EVC2: variants seen among roughly 807,000 people sequenced by gnomAD.
EVC2 encodes the protein EvC ciliary complex subunit 2.
A neutral mutation model predicts 149.3 loss-of-function variants in EVC2; 148 were observed. That is an observed-to-expected ratio of 0.99 (90% CI 0.87 to 1.14). The LOEUF is 1.14. EVC2 is among the 50% of genes most tolerant of loss of function. EVC2 has a pLI of 0.00. For missense variants in EVC2, 1,854 were observed against 1,627.3 expected, an observed-to-expected ratio of 1.14 and a Z score of -2.40; for synonymous variants, 776 against 649.9, an observed-to-expected ratio of 1.19 and a Z score of -2.95.
At chr4:5,645,453 T>A (rs1717643708) in intron 9 of EVC2, among the ~76,000 whole-genome samples, 1 of 152,076 alleles carries the variant, frequency 6.6e-6, no homozygotes, top group Admixed American at 6.5e-5. Flanking sequence ...GTTGTTCCCC[T>A]CCATGTGTAC....
Position 5,670,490 on chromosome 4 carries a change from C to A in EVC2, c.871-4841G>T, listed in dbSNP as rs548051037. On this transcript the variant is annotated intron_variant, in intron 7 of 21. Transcript: ENST00000344408. This position sits in a 1 kb window ranked among gnomAD's most constrained non-coding sequence, Gnocchi z 5.2. The stretch of plus-strand genomic sequence containing the variant: ...TTCATCATCACCATCCCCACCATCA[C>A]CATCACCACCATCACCATCGCCACC... Among the ~76,000 whole-genome samples, 2 of 151,854 alleles carry A rather than the reference C, an allele frequency of 1.3e-5. No homozygotes were observed. Among genetic ancestry groups the A allele is most frequent in the Non-Finnish European group, 2.9e-5 (2 of 67,972 alleles).
the EVC2 span, among the ~76,000 whole-genome samples, chr4:5,536,527 G>A: frequency 2.6e-5 from 4 of 152,254 alleles, no homozygotes; most frequent in East Asian, 5.8e-4. Flanking sequence ...GCTCACACCT[G>A]TAATCCTAGC....
intron 9 of EVC2, among the ~76,000 whole-genome samples, chr4:5,642,502 A>AT (rs1452677099): frequency 6.6e-6 from 1 of 152,222 alleles, no homozygotes; most frequent in African/African-American, 2.4e-5. Flanking sequence ...CTATTCTTCT[A>AT]TTGTTGCACA....
chr4:5,542,467 T>C (rs1343708517), downstream of EVC2, among the ~76,000 whole-genome samples: 1 of 152,032 alleles, frequency 6.6e-6, no homozygotes, highest in Non-Finnish European at 1.5e-5. Flanking sequence ...AAAATAATCC[T>C]CATTTGCCAA....
chr4:5,669,527 T>C lies in EVC2; in HGVS notation c.871-3878A>G, dbSNP rs544835823. Among the ~76,000 whole-genome samples the C allele has an allele frequency of 5.3e-5, 8 of 152,256 alleles. No homozygotes were observed. In the South Asian group the frequency reaches 1.7e-3, roughly 32 times the overall value. On this transcript the variant is annotated intron_variant, in intron 7 of 21. Transcript: ENST00000344408. ...TTAGTCCTAATCTCCCACACCATGG[T>C]AGAAGTTAGTTGTATGACTGACATT...
chr4:5,700,718 G>A (rs562253361), intron 1 of EVC2, among the ~76,000 whole-genome samples: 4 of 152,226 alleles, frequency 2.6e-5, no homozygotes, highest in Admixed American at 6.5e-5. Flanking sequence ...CTGGGCAACC[G>A]CTCCCATAGG....
intron 9 of EVC2, among the ~76,000 whole-genome samples, chr4:5,656,273 C>T (rs1305351355): frequency 2.0e-5 from 3 of 152,138 alleles, no homozygotes; most frequent in African/African-American, 7.2e-5. Flanking sequence ...TCCTCAGGAA[C>T]ATTCCATAAA....
At chr4:5,568,337 T>G in intron 20 of EVC2, 107 bp downstream of exon 20, 1 of 1,180,392 alleles carries the variant, frequency 8.5e-7, no homozygotes, top group Non-Finnish European at 1.2e-6. Flanking sequence ...GGTAACAAAA[T>G]TAAAAAGTAT....
intron 7 of EVC2, among the ~76,000 whole-genome samples, chr4:5,667,711 G>T (rs896510240): frequency 1.3e-5 from 2 of 152,230 alleles, no homozygotes; most frequent in Admixed American, 6.5e-5. Context: ...GAGAGGGGTT[G>T]TGACAACTCA....
chr4:5,664,843 T>A (rs547594700), intron 8 of EVC2, among the ~76,000 whole-genome samples: 1 of 152,292 alleles, frequency 6.6e-6, no homozygotes, highest in South Asian at 2.1e-4. Context: ...CCACATAAGC[T>A]ACTTGAATGG....
chr4:5,615,419 G>T lies in EVC2; in HGVS notation c.2829+3C>A. On this transcript the variant is annotated splice_donor_region_variant and intron_variant, in intron 16 of 21. Coordinates refer to ENST00000344408, the MANE Select transcript of EVC2 (RefSeq NM_147127.5). The stretch of plus-strand genomic sequence containing the variant: ...AACAGCTGGGTGAAGCAGATGTACT[G>T]ACCTTTTCCACCAGGTCTTCAGAGG... 6.2e-7 allele frequency: 1 copy of T among 1,614,188 alleles called. No individual in the cohort carries two copies. Among genetic ancestry groups the T allele is most frequent in the South Asian group, 1.1e-5 (1 of 91,080 alleles).
chr4:5,565,485 A>T, intron 20 of EVC2, 126 bp from the exon 21 acceptor site: 1 of 768,058 alleles, frequency 1.3e-6, no homozygotes, highest in Admixed American at 2.0e-5. Context: ...AGCCTGGCCA[A>T]CATGGTGAAA....
rs530069861 is a variant in EVC2, at chr4:5,705,463, G to T, written c.228+2823C>A. ...CAACATTTACTCTCTTTAAATTAAA[G>T]GTGAGAATATTTTAAAGTGTCTAGT... On this transcript the variant is annotated intron_variant, in intron 1 of 21. Transcript: ENST00000344408. 6.8e-4 allele frequency among the ~76,000 whole-genome samples: 104 copies of T among 152,132 alleles called. 4 individuals carry two copies. In the South Asian group the frequency reaches 0.02, roughly 29 times the overall value.
chr4:5,555,583 G>A (rs1163187432), intron 21 of EVC2, among the ~76,000 whole-genome samples: 1 of 152,076 alleles, frequency 6.6e-6, no homozygotes, highest in African/African-American at 2.4e-5. Context: ...ATGGTAAAGG[G>A]ATCAATTCAT....
chr4:5,631,144 CA>C (rs1311643966), intron 11 of EVC2, among the ~76,000 whole-genome samples: 2 of 152,200 alleles, frequency 1.3e-5, no homozygotes, highest in Non-Finnish European at 2.9e-5. Context: ...AGCTGACATG[CA>C]AAAATACACA....
At chr4:5,599,504 A>C (rs941525938) in intron 16 of EVC2, among the ~76,000 whole-genome samples, 1 of 152,082 alleles carries the variant, frequency 6.6e-6, no homozygotes, top group Non-Finnish European at 1.5e-5. Flanking sequence ...TCTCACTCAC[A>C]GGTGGGAATT....
rs748436461 is a variant in EVC2 at position 5,625,848 on chromosome 4, G to C, written c.1947C>G (p.Val649=). The C allele has an allele frequency of 1.1e-5, 18 of 1,613,910 alleles. No homozygotes were observed. Among genetic ancestry groups the C allele is most frequent in the Non-Finnish European group, 1.5e-5 (18 of 1,180,022 alleles). Residue 649 remains valine, a synonymous_variant, in exon 13 of 22, where the codon GTC becomes GTG. Coordinates refer to ENST00000344408, the MANE Select transcript of EVC2 (RefSeq NM_147127.5). This position sits in a 1 kb window ranked among gnomAD's most constrained non-coding sequence, Gnocchi z 4.0. ...EMLLERAQTE[V]FSIKQKLDND... ...TGTCCAACTTCTGCTTGATTGAAAA[G>C]ACTTCTGTCTGAGCCCGCTCCAATA...
At chr4:5,582,875 C>A (rs564560266) in intron 17 of EVC2, among the ~76,000 whole-genome samples, 86 of 152,270 alleles carry the variant, frequency 5.6e-4, no homozygotes, top group African/African-American at 1.9e-3. Flanking sequence ...CCCCCTACTT[C>A]TCTTCCTCCT....
intron 9 of EVC2, among the ~76,000 whole-genome samples, chr4:5,650,473 A>G (rs1264880417): frequency 6.6e-6 from 1 of 151,892 alleles, no homozygotes; most frequent in Non-Finnish European, 1.5e-5. Context: ...ACATGAGCTC[A>G]GATGGTTTAT....
Sources: gnomAD v4.1 joint callset for allele counts (sites outside exome capture counted in the v4.1 genomes callset) on GRCh38, gnomAD v4.1.1 for gene constraint, Gnocchi (gnomAD v3.1) non-coding constraint, MANE v1.5 for transcripts, NCBI Gene and HGNC (gene_info 2026-07-23, HGNC 2026-07-21) for gene names.